RNPEP: variants seen among roughly 807,000 people sequenced by gnomAD.
RNPEP encodes aminopeptidase B.
RNPEP carries 57 observed loss-of-function variants against 70.1 expected under a neutral mutation model. The ratio of observed to expected loss-of-function variants is 0.81; its 90% CI spans 0.66 to 1.01. RNPEP has a LOEUF of 1.01. Among genes scored for constraint, RNPEP ranks in the 50% least tolerant of loss-of-function variants. The pLI is 0.00. For missense variants in RNPEP, 787 were observed against 852.4 expected, an observed-to-expected ratio of 0.92 and a Z score of 0.96; for synonymous variants, 335 against 357.4, an observed-to-expected ratio of 0.94 and a Z score of 0.71.
chr1:201,987,994 G>A (rs1199390840), intron 1 of RNPEP, among the ~76,000 whole-genome samples: 2 of 151,782 alleles, frequency 1.3e-5, no homozygotes, highest in African/African-American at 2.4e-5. Flanking sequence ...TACAAAATTA[G>A]TCGGATGTGG....
intron 1 of RNPEP, among the ~76,000 whole-genome samples, chr1:201,984,821 C>CTTTT (rs200795347): frequency 2.0e-4 from 25 of 121,982 alleles, no homozygotes; most frequent in Non-Finnish European, 3.6e-4. Context: ...GTATTTCTTT[C>CTTTT]TTTTTTTTTT....
At position 202,005,766 on chromosome 1, in the gene RNPEP, A is replaced by G. The variant is rs1050036833; in HGVS notation, c.*50A>G. On this transcript the variant is annotated 3_prime_UTR_variant, in exon 11 of 11. Coordinates refer to ENST00000295640, the MANE Select transcript of RNPEP (RefSeq NM_020216.4). The stretch of plus-strand genomic sequence containing the variant: ...TCTTCAGGCTCTCCAGGCTTTCAGA[A>G]TAATTGTTTGTTCCCAAATTCCTGT... The G allele has an allele frequency of 2.5e-6, 4 of 1,597,572 alleles. No homozygotes were observed. Among genetic ancestry groups the G allele is most frequent in the Non-Finnish European group, 3.4e-6 (4 of 1,166,472 alleles).
chr1:201,996,600 T>C (rs1343147092), intron 4 of RNPEP, among the ~76,000 whole-genome samples: 3 of 151,880 alleles, frequency 2.0e-5, no homozygotes, highest in Non-Finnish European at 2.9e-5. Context: ...TTCAAGCGAT[T>C]CTCCTGCCTC....
chr1:202,005,803 C>A lies in RNPEP; in HGVS notation c.*87C>A. 1 of 1,466,162 alleles carries A rather than the reference C, an allele frequency of 6.8e-7. No homozygotes were observed. Among genetic ancestry groups the A allele is most frequent in the Non-Finnish European group, 9.5e-7 (1 of 1,056,370 alleles). The allele number at this position is 1,466,162 out of a possible 1,614,324, so 90.8% of individuals were successfully genotyped here. On this transcript the variant is annotated 3_prime_UTR_variant, in exon 11 of 11. Transcript: ENST00000295640. ...TCCCAAATTCCTGTTCCCTGATCAA[C>A]TTCCTGGAGTTTATATCCCCTCAGG...
Position 201,982,685 on chromosome 1 carries a change from T to TC in RNPEP, c.24dup (p.Gly9ArgfsTer27), listed in dbSNP as rs1374371017. 1.4e-6 allele frequency: 2 copies of TC among 1,387,512 alleles called. No individual in the cohort carries two copies. Among genetic ancestry groups the TC allele is most frequent in the South Asian group, 1.6e-5 (1 of 62,412 alleles). The allele number at this position is 1,387,512 out of a possible 1,614,324, so 86.0% of individuals were successfully genotyped here. ...TGCGGCCATGGCGAGCGGCGAGCAT[T>TC]CCCCCGGCAGCGGCGCGGCCCGGCG... On this transcript the variant is annotated frameshift_variant, in exon 1 of 11. Coordinates refer to ENST00000295640, the MANE Select transcript of RNPEP (RefSeq NM_020216.4). LOFTEE classifies it high-confidence loss of function.
intron 9 of RNPEP, among the ~76,000 whole-genome samples, chr1:202,003,942 A>G (rs1683943409): frequency 1.3e-5 from 2 of 152,198 alleles, no homozygotes; most frequent in African/African-American, 4.8e-5. Flanking sequence ...AGTCAACATA[A>G]TATTCACCAA....
At chr1:201,984,821 CTTTTTTTTTTTTTTTTTT>C (rs200795347) in intron 1 of RNPEP, among the ~76,000 whole-genome samples, 1,611 of 122,050 alleles carry the variant, frequency 0.013, 100 homozygotes, top group Non-Finnish European at 0.02. Context: ...GTATTTCTTT[CTTTTTTTTTTTTTTTTTT>C]TTTTTTTTTT....
chr1:201,984,865 G>A (rs1193513668), intron 1 of RNPEP, among the ~76,000 whole-genome samples: 6 of 99,606 alleles, frequency 6.0e-5, no homozygotes, highest in African/African-American at 1.8e-4. Flanking sequence ...TTTGAGAAGG[G>A]ATCAAAAAGC....
rs754346594 is a variant in RNPEP at position 201,982,952 on chromosome 1, G to T, written c.286G>T (p.Glu96Ter). 11 of 1,491,248 alleles carry T rather than the reference G, an allele frequency of 7.4e-6. No individual in the cohort carries two copies. In the South Asian group the frequency reaches 1.4e-4, roughly 19 times the overall value. 92.4% of individuals were successfully genotyped at this position (1,491,248 alleles called of 1,614,324 possible). Residue 96 changes from glutamate to a stop codon, truncating the protein, a stop_gained, in exon 1 of 11, where the codon GAG (glutamate) becomes TAG (stop). Transcript: ENST00000295640. LOFTEE classifies it high-confidence loss of function. ...GGTGACGGCGGCGGCGCTGCGGCGG[G>T]AGCGGCCCGGCTCGGAGGAGCCGCC... ...LEVTAAALRR[E>*]RPGSEEPPAE...
At chr1:201,990,720 G>C (rs146265021) in intron 3 of RNPEP, among the ~76,000 whole-genome samples, 4 of 152,120 alleles carry the variant, frequency 2.6e-5, no homozygotes, top group African/African-American at 7.2e-5. Flanking sequence ...TGCTCCCAGC[G>C]CACACATTCA....
chr1:202,005,879 G>A lies in RNPEP; in HGVS notation c.*163G>A, dbSNP rs1397151540. 2 of 828,580 alleles carry A rather than the reference G, an allele frequency of 2.4e-6. No individual in the cohort carries two copies. The highest frequency in any genetic ancestry group is 5.4e-5 in the East Asian group (2 of 37,308). 51.3% of individuals were successfully genotyped at this position (828,580 alleles called of 1,614,324 possible). A position where few individuals can be genotyped will look rare whatever the true frequency, so the allele number is the denominator to read the frequency against. ...CTGTGACTCTTGGGCCTCTGCTCTGGTGGGAACTTACTTCTCTATAGCCCA... is the reference window on the plus strand; with the variant it reads ...CTGTGACTCTTGGGCCTCTGCTCTGATGGGAACTTACTTCTCTATAGCCCA... On this transcript the variant is annotated 3_prime_UTR_variant, in exon 11 of 11. Transcript: ENST00000295640.
rs1683571148 is a variant in RNPEP, at chr1:201,996,767, C to G, written c.854+504C>G. ...CCTTGGTCCCAAAGTGCTGGGATTA[C>G]AGGTGTGAGCCACCAGGCCCGGCAG... On this transcript the variant is annotated intron_variant, in intron 4 of 10. Coordinates refer to ENST00000295640, the MANE Select transcript of RNPEP (RefSeq NM_020216.4). Among the ~76,000 whole-genome samples, 3 of 152,124 alleles carry G rather than the reference C, an allele frequency of 2.0e-5. 1 individual carries two copies. In the South Asian group the frequency reaches 6.2e-4, roughly 32 times the overall value.
At chr1:202,001,076 C>A (rs1371793573) in intron 6 of RNPEP, 5 of 354,166 alleles carry the variant, frequency 1.4e-5, no homozygotes, top group Non-Finnish European at 2.6e-5. Context: ...GTTTCTCTGT[C>A]TTCATATTAG....
At chr1:201,995,273 G>A (rs1273382196) in intron 3 of RNPEP, among the ~76,000 whole-genome samples, 2 of 151,996 alleles carry the variant, frequency 1.3e-5, no homozygotes, top group African/African-American at 4.8e-5. Flanking sequence ...TTTTATTTTT[G>A]CTAGACCATT....
intron 7 of RNPEP, 32 bp from the exon 8 acceptor site, chr1:202,001,627 G>A: frequency 1.3e-6 from 2 of 1,549,268 alleles, no homozygotes; most frequent in African/African-American, 1.4e-5. Flanking sequence ...CACGGGGCCA[G>A]AGAGGGTCTA....
intron 3 of RNPEP, among the ~76,000 whole-genome samples, chr1:201,994,499 G>A (rs993989667): frequency 4.6e-5 from 7 of 151,970 alleles, no homozygotes; most frequent in African/African-American, 1.7e-4. Flanking sequence ...TTCCTCACAT[G>A]CATATGCAGT....
At chr1:202,000,192 T>G in intron 6 of RNPEP, 177 bp downstream of exon 6, 1 of 550,194 alleles carries the variant, frequency 1.8e-6, no homozygotes, top group South Asian at 2.5e-5. Context: ...CCCAAGCCAT[T>G]GCAGCCAGAT....
At chr1:201,996,984 C>G (rs1683576912) in intron 4 of RNPEP, among the ~76,000 whole-genome samples, 1 of 152,072 alleles carries the variant, frequency 6.6e-6, no homozygotes. Flanking sequence ...TTTATGACCC[C>G]AAGTTGGCCT....
At chr1:202,003,826 C>T (rs759178104) in intron 9 of RNPEP, among the ~76,000 whole-genome samples, 2 of 152,108 alleles carry the variant, frequency 1.3e-5, no homozygotes, top group African/African-American at 2.4e-5. Context: ...GGGAAGTAGG[C>T]GGTGTGATGT....
Sources: allele counts gnomAD v4.1 joint callset (sites outside exome capture counted in the v4.1 genomes callset), GRCh38; gene constraint gnomAD v4.1.1; transcripts MANE v1.5; gene names NCBI Gene and HGNC (gene_info 2026-07-23, HGNC 2026-07-21).